CCSER1: variants seen among roughly 807,000 people sequenced by gnomAD.
CCSER1 encodes serine-rich coiled-coil domain-containing protein 1.
Under a neutral mutation model 82.0 loss-of-function variants are expected in CCSER1, and 41 were observed. The ratio of observed to expected loss-of-function variants is 0.50; its 90% confidence interval spans 0.39 to 0.65. The LOEUF is 0.65. Ranked by LOEUF, CCSER1 falls within the 30% of genes least tolerant of loss-of-function variation. The probability of loss-of-function intolerance (pLI) is 0.00; values close to 1 mark genes in which losing one functional copy is unlikely to be tolerated. For missense variants in CCSER1, 1,119 were observed against 1,064.2 expected, an observed-to-expected ratio of 1.05 and a Z score of -0.72; for synonymous variants, 414 against 383.9, an observed-to-expected ratio of 1.08 and a Z score of -0.92.
intron 5 of CCSER1, among the ~76,000 whole-genome samples, chr4:90,518,012 T>A (rs1772525296): frequency 6.6e-6 from 1 of 152,016 alleles, no homozygotes; most frequent in Non-Finnish European, 1.5e-5. Flanking sequence ...AAAAAAAACA[T>A]AATATGAATA....
At chr4:90,458,427 C>T (rs1383743070) in intron 4 of CCSER1, among the ~76,000 whole-genome samples, 3 of 151,976 alleles carry the variant, frequency 2.0e-5, no homozygotes, top group Admixed American at 1.3e-4. Context: ...CATCTTGGCT[C>T]ACTGCAACCT....
chr4:91,026,030 CTGG>C (rs2150541457), intron 9 of CCSER1, among the ~76,000 whole-genome samples: 1 of 152,226 alleles, frequency 6.6e-6, no homozygotes, highest in East Asian at 1.9e-4. Flanking sequence ...TGACTTTCCA[CTGG>C]TTTACTTGTT....
chr4:90,144,678 A>C (rs1331485732), intron 1 of CCSER1, among the ~76,000 whole-genome samples: 2 of 152,220 alleles, frequency 1.3e-5, no homozygotes, highest in African/African-American at 4.8e-5. Context: ...TGTTTCAAGA[A>C]TACAGTATAA....
chr4:91,340,479 C>A lies in CCSER1; in HGVS notation c.2217+254485C>A, dbSNP rs189110182. Among the ~76,000 whole-genome samples the A allele has an allele frequency of 2.2e-3, 330 of 152,034 alleles. 2 individuals are homozygous for A. The highest frequency in any genetic ancestry group is 3.5e-3 in the Non-Finnish European group (235 of 67,976). ...TAGTTGACAAAAACATTTGCTGTAG[C>A]CTTTGAGAAGAATATGTATGACTAT... On this transcript the variant is annotated intron_variant, in intron 10 of 10. Coordinates refer to ENST00000509176, the MANE Select transcript of CCSER1 (RefSeq NM_001145065.2).
chr4:90,487,868 T>G (rs1374029135), intron 5 of CCSER1, among the ~76,000 whole-genome samples: 2 of 151,952 alleles, frequency 1.3e-5, no homozygotes, highest in Non-Finnish European at 2.9e-5. Context: ...TCTCCATCTC[T>G]TGACCTAGTG....
intron 5 of CCSER1, among the ~76,000 whole-genome samples, chr4:90,509,285 G>A (rs1771146805): frequency 6.6e-6 from 1 of 152,108 alleles, no homozygotes; most frequent in Non-Finnish European, 1.5e-5. Flanking sequence ...GACATATGAA[G>A]TGCAAGGATT....
chr4:90,633,329 CAATAT>C (rs981057652), intron 6 of CCSER1, among the ~76,000 whole-genome samples: 1 of 151,760 alleles, frequency 6.6e-6, no homozygotes, highest in African/African-American at 2.4e-5. Flanking sequence ...AAGAAGTGTA[CAATAT>C]GTTTTTTTCT....
chr4:90,816,108 T>A (rs1395700490), intron 8 of CCSER1, among the ~76,000 whole-genome samples: 2 of 152,218 alleles, frequency 1.3e-5, no homozygotes. Flanking sequence ...ATTTCGGTTG[T>A]ATCTATCAGA....
intron 8 of CCSER1, among the ~76,000 whole-genome samples, chr4:90,851,508 C>T (rs924092057): frequency 2.0e-5 from 3 of 151,516 alleles, no homozygotes; most frequent in African/African-American, 7.3e-5. Context: ...GAGATTTTAC[C>T]CTTGTTCCAA....
chr4:91,275,004 G>T (rs1742307543), intron 10 of CCSER1, among the ~76,000 whole-genome samples: 1 of 151,940 alleles, frequency 6.6e-6, no homozygotes, highest in Non-Finnish European at 1.5e-5. Flanking sequence ...TACTTGGGAG[G>T]CTGAGGCAGG....
At chr4:91,120,363 A>T (rs1009542856) in intron 10 of CCSER1, among the ~76,000 whole-genome samples, 1 of 151,960 alleles carries the variant, frequency 6.6e-6, no homozygotes, top group Admixed American at 6.6e-5. Flanking sequence ...TATCAGCATC[A>T]TGATGATGAT....
intron 10 of CCSER1, among the ~76,000 whole-genome samples, chr4:91,411,245 C>T (rs1054918983): frequency 6.5e-4 from 99 of 151,508 alleles, no homozygotes; most frequent in African/African-American, 2.3e-3. Flanking sequence ...ATACCAATTA[C>T]TTGCAAGAAA....
At chr4:91,218,987 C>T (rs1293496966) in intron 10 of CCSER1, among the ~76,000 whole-genome samples, 1 of 152,132 alleles carries the variant, frequency 6.6e-6, no homozygotes, top group Non-Finnish European at 1.5e-5. Context: ...ATTAAACATA[C>T]ACAGAGAAAG....
intron 10 of CCSER1, among the ~76,000 whole-genome samples, chr4:91,535,900 TA>T (rs2110180836): frequency 6.6e-6 from 1 of 152,200 alleles, no homozygotes; most frequent in East Asian, 1.9e-4. Flanking sequence ...CACATTAATC[TA>T]AAAGCATACT....
chr4:91,012,599 C>G (rs1739086036), intron 9 of CCSER1, among the ~76,000 whole-genome samples: 1 of 151,462 alleles, frequency 6.6e-6, no homozygotes, highest in Non-Finnish European at 1.5e-5. Flanking sequence ...TGGGGGATGT[C>G]AGGCCACTGG....
chr4:91,091,483 G>A (rs1360086457), intron 10 of CCSER1, among the ~76,000 whole-genome samples: 1 of 152,234 alleles, frequency 6.6e-6, no homozygotes, highest in African/African-American at 2.4e-5. Context: ...TGCACTGAAA[G>A]CAGTCCTCTG....
intron 6 of CCSER1, among the ~76,000 whole-genome samples, chr4:90,662,250 G>T (rs1403538959): frequency 6.6e-6 from 1 of 151,932 alleles, no homozygotes; most frequent in Non-Finnish European, 1.5e-5. Flanking sequence ...GCCCACCTGG[G>T]GCTCCCAAAG....
chr4:90,485,438 T>C (rs1382054010), intron 5 of CCSER1, among the ~76,000 whole-genome samples: 2 of 151,648 alleles, frequency 1.3e-5, no homozygotes, highest in East Asian at 3.9e-4. Flanking sequence ...CACTTGGAAA[T>C]GCAGAAATCA....
chr4:90,392,656 A>C (rs1437414108), intron 3 of CCSER1, among the ~76,000 whole-genome samples: 1 of 150,840 alleles, frequency 6.6e-6, no homozygotes, highest in Non-Finnish European at 1.5e-5. Flanking sequence ...TGCAAAATAT[A>C]TGTTTTTGGA....
Sources: gnomAD v4.1 joint callset for allele counts (sites outside exome capture counted in the v4.1 genomes callset) on GRCh38, gnomAD v4.1.1 for gene constraint, MANE v1.5 for transcripts, NCBI Gene and HGNC (gene_info 2026-07-23, HGNC 2026-07-21) for gene names.